CREBBP: variants seen among roughly 807,000 people sequenced by gnomAD.
CREBBP encodes CREB-binding protein.
Under a neutral mutation model 265.0 loss-of-function variants are expected in CREBBP, and 19 were observed. That is an observed-to-expected ratio of 0.07 (90% CI 0.05 to 0.11). The LOEUF is 0.11. Ranked by LOEUF, CREBBP falls within the 10% of genes least tolerant of loss-of-function variation. CREBBP has a pLI of 1.00. For missense variants in CREBBP, 2,525 were observed against 3,219.0 expected (o/e 0.78, Z 5.22); for synonymous variants, 1,457 against 1,223.7 (o/e 1.19, Z -3.98).
chr16:3,848,698 G>A (rs1392617319), intron 2 of CREBBP, among the ~76,000 whole-genome samples: 1 of 152,056 alleles, frequency 6.6e-6, no homozygotes, highest in Non-Finnish European at 1.5e-5. Flanking sequence ...AAACTCTCCA[G>A]AATAGACAGA....
At position 3,792,053 on chromosome 16, in the gene CREBBP, T is replaced by G; in HGVS notation, c.1258A>C (p.Lys420Gln). 1 of 1,614,224 alleles carries G rather than the reference T, an allele frequency of 6.2e-7. No homozygotes were observed. The highest frequency in any genetic ancestry group is 8.5e-7 in the Non-Finnish European group (1 of 1,180,042). The change falls in exon 5 of 31, where the codon AAG becomes CAG. Residue 420 changes from lysine (K) to glutamine (Q), a missense_variant. Coordinates refer to ENST00000262367, the MANE Select transcript of CREBBP (RefSeq NM_004380.3). Reference protein sequence around the residue: ...ASSRQIISHWKNCTRHDCPVC... With the variant: ...ASSRQIISHWQNCTRHDCPVC... Reference sequence around the variant, plus strand: ...GGACAGTCATGTCGTGTGCAGTTCTTCCAATGAGAGATGATTTGTCGTGAA... The same window carrying G: ...GGACAGTCATGTCGTGTGCAGTTCTGCCAATGAGAGATGATTTGTCGTGAA...
rs1555482647 is a variant in CREBBP at position 3,773,745 on chromosome 16, C to T, written c.2463+6G>A. 6.2e-7 allele frequency: 1 copy of T among 1,613,914 alleles called. No homozygotes were observed. The highest frequency in any genetic ancestry group is 1.1e-5 in the South Asian group (1 of 91,072). The stretch of plus-strand genomic sequence containing the variant: ...AGGGAGCCACGGTCCCAGTGGGGCA[C>T]AGTACCTGTGACACGCCTGTTTGGG... On this transcript the variant is annotated splice_donor_region_variant and intron_variant, in intron 13 of 30. Transcript: ENST00000262367.
intron 25 of CREBBP, 124 bp downstream of exon 25, chr16:3,739,454 T>C (rs2052147946): frequency 1.1e-5 from 12 of 1,133,246 alleles, no homozygotes; most frequent in South Asian, 4.1e-5. Flanking sequence ...GGTTAGTTAA[T>C]TGTGGTTTCA....
intron 3 of CREBBP, among the ~76,000 whole-genome samples, chr16:3,805,545 G>A (rs2053811882): frequency 6.6e-6 from 1 of 152,178 alleles, no homozygotes; most frequent in Non-Finnish European, 1.5e-5. Flanking sequence ...CATCAAAGAC[G>A]ACAACAGAGA....
intron 9 of CREBBP, among the ~76,000 whole-genome samples, chr16:3,778,474 T>C (rs2053196936): frequency 3.9e-5 from 6 of 152,346 alleles, no homozygotes; most frequent in Admixed American, 3.3e-4. Flanking sequence ...ATATATCCCA[T>C]GGATATAATG....
intron 23 of CREBBP, among the ~76,000 whole-genome samples, chr16:3,744,156 A>G (rs2052284223): frequency 6.6e-6 from 1 of 152,168 alleles, no homozygotes; most frequent in Non-Finnish European, 1.5e-5. Context: ...CACAGGCACC[A>G]CCAGCTGCAG....
At chr16:3,738,734 C>T (rs2052132049) in intron 25 of CREBBP, 62 bp from the exon 26 acceptor site, 2 of 1,028,608 alleles carry the variant, frequency 1.9e-6, no homozygotes, top group Non-Finnish European at 3.0e-6. Flanking sequence ...CAAACACAAG[C>T]AACAAACAAC....
At chr16:3,763,730 T>G (rs916004299) in intron 16 of CREBBP, among the ~76,000 whole-genome samples, 1 of 152,136 alleles carries the variant, frequency 6.6e-6, no homozygotes, top group Non-Finnish European at 1.5e-5. Context: ...TCCCAAAGTG[T>G]TGGGATTACA....
At chr16:3,836,952 T>A (rs1302260977) in intron 2 of CREBBP, among the ~76,000 whole-genome samples, 4 of 152,250 alleles carry the variant, frequency 2.6e-5, no homozygotes, top group African/African-American at 9.6e-5. Flanking sequence ...CACTACCAGC[T>A]GTATAAAAGC....
At chr16:3,845,711 C>G (rs1008288219) in intron 2 of CREBBP, among the ~76,000 whole-genome samples, 4 of 151,830 alleles carry the variant, frequency 2.6e-5, no homozygotes, top group Non-Finnish European at 5.9e-5. Flanking sequence ...CATGGCAAAA[C>G]CCCGTCTCCA....
At chr16:3,862,551 T>C (rs988306379) in intron 1 of CREBBP, among the ~76,000 whole-genome samples, 7 of 152,230 alleles carry the variant, frequency 4.6e-5, no homozygotes, top group African/African-American at 1.7e-4. Context: ...CTTGTTTTCC[T>C]GTCATATGCT....
intron 15 of CREBBP, 51 bp downstream of exon 15, chr16:3,769,123 T>G (rs2052934162): frequency 6.2e-7 from 1 of 1,607,906 alleles, no homozygotes; most frequent in Non-Finnish European, 8.5e-7. Flanking sequence ...CGAGGACACC[T>G]GGGTAAAGTT....
chr16:3,851,114 C>T, intron 1 of CREBBP, 105 bp from the exon 2 acceptor site: 1 of 921,802 alleles, frequency 1.1e-6, no homozygotes, highest in Admixed American at 1.9e-5. Context: ...AGCACGAACA[C>T]TAGCATGTCT....
Position 3,729,167 on chromosome 16 carries a change from C to T in CREBBP, c.5880G>A (p.Arg1960=), listed in dbSNP as rs946339952. The T allele has an allele frequency of 1.9e-6, 3 of 1,539,594 alleles. No individual in the cohort carries two copies. Among genetic ancestry groups the T allele is most frequent in the Admixed American group, 1.9e-5 (1 of 51,344 alleles). ...QPPPAAVEAA[R]QIEREAQQQQ... Reference sequence around the variant, plus strand: ...GCTGCTGGGCCTCACGCTCGATCTGCCGAGCCGCTTCCACCGCTGCAGGAG... The same window carrying T: ...GCTGCTGGGCCTCACGCTCGATCTGTCGAGCCGCTTCCACCGCTGCAGGAG... The change falls in exon 31 of 31, where the codon CGG becomes CGA. Residue 1960 remains arginine, a synonymous_variant. Coordinates refer to ENST00000262367, the MANE Select transcript of CREBBP (RefSeq NM_004380.3).
intron 8 of CREBBP, among the ~76,000 whole-genome samples, chr16:3,780,220 C>T (rs1596914077): frequency 8.3e-6 from 1 of 121,136 alleles, no homozygotes; most frequent in East Asian, 2.3e-4. Context: ...CCAGTCTAAG[C>T]AACAGAGCGA....
At position 3,728,507 on chromosome 16, in the gene CREBBP, G is replaced by A. The variant is rs2151303342; in HGVS notation, c.6540C>T (p.Pro2180=). 2 of 1,614,068 alleles carry A rather than the reference G, an allele frequency of 1.2e-6. No individual in the cohort carries two copies. The highest frequency in any genetic ancestry group is 1.7e-6 in the Non-Finnish European group (2 of 1,180,016). Residue 2180 remains proline, a synonymous_variant, in exon 31 of 31, where the codon CCC becomes CCT. Coordinates refer to ENST00000262367, the MANE Select transcript of CREBBP (RefSeq NM_004380.3). This position sits in a 1 kb window ranked among gnomAD's most constrained non-coding sequence, Gnocchi z 8.7. ...ACTGTGGATTCATACTCGCCATGTT[G>A]GGGTTGTGTCCTGGGTTCATGATGT... ...ALNIMNPGHN[P]NMASMNPQYR... is the part of the protein sequence containing the mutation.
intron 8 of CREBBP, among the ~76,000 whole-genome samples, chr16:3,779,603 T>A (rs1382712322): frequency 2.0e-5 from 3 of 152,152 alleles, no homozygotes; most frequent in Non-Finnish European, 4.4e-5. Flanking sequence ...TGAAGTTAAC[T>A]CCCTGGAGAC....
intron 2 of CREBBP, among the ~76,000 whole-genome samples, chr16:3,828,598 T>C (rs926637663): frequency 6.6e-6 from 1 of 152,202 alleles, no homozygotes; most frequent in Admixed American, 6.5e-5. Flanking sequence ...TCTATAAATT[T>C]CGTGCATGGG....
chr16:3,778,573 T>C (rs2053199085), intron 9 of CREBBP, 127 bp downstream of exon 9: 9 of 834,196 alleles, frequency 1.1e-5, no homozygotes, highest in Non-Finnish European at 1.5e-5. Context: ...CCTTGGTCAG[T>C]GGCCTCAAGG....
Sources: allele counts gnomAD v4.1 joint callset (sites outside exome capture counted in the v4.1 genomes callset), GRCh38; gene constraint gnomAD v4.1.1; non-coding constraint Gnocchi (gnomAD v3.1); transcripts MANE v1.5; gene names NCBI Gene and HGNC (gene_info 2026-07-23, HGNC 2026-07-21).